MKLN1: variants seen among roughly 807,000 people sequenced by gnomAD.
MKLN1 encodes the protein muskelin 1.
MKLN1 carries 18 observed loss-of-function variants against 99.0 expected under a neutral mutation model. The ratio of observed to expected loss-of-function variants is 0.18; its 90% CI spans 0.13 to 0.27. The LOEUF (loss-of-function observed/expected upper bound fraction) is 0.27, where lower values mean the gene tolerates loss of function less well. Ranked by LOEUF, MKLN1 falls within the 10% of genes least tolerant of loss-of-function variation. The probability of loss-of-function intolerance (pLI) is 1.00; values close to 1 mark genes in which losing one functional copy is unlikely to be tolerated. For synonymous variants in MKLN1, 288 were observed against 293.2 expected, an observed-to-expected ratio of 0.98 and a Z score of 0.18; for missense variants, 621 against 875.9, an observed-to-expected ratio of 0.71 and a Z score of 3.67.
chr7:131,275,553 ATATATATATATATATTTTTTTTTTTT>A lies in MKLN1; in HGVS notation c.-179+72581_-179+72606del, dbSNP rs1203427637. On this transcript the variant is annotated intron_variant, in intron 3 of 7. Coordinates refer to the MKLN1 transcript ENST00000416992. The stretch of plus-strand genomic sequence containing the variant: ...CCAGCTGATATATATATATATATAT[ATATATATATATATATTTTTTTTTTTT>A]TTTTTTTTTTTTTGGTACTTTTTTG... 1.7e-3 allele frequency among the ~76,000 whole-genome samples: 25 copies of A among 14,892 alleles called. 2 individuals are homozygous for A. Among genetic ancestry groups the A allele is most frequent in the African/African-American group, 6.1e-3 (21 of 3,434 alleles). The allele number at this position is 14,892 out of a possible 152,430, so 9.8% of individuals were successfully genotyped here.
At chr7:131,226,942 AG>A (rs1318390500) in intron 3 of MKLN1, among the ~76,000 whole-genome samples, 4 of 152,304 alleles carry the variant, frequency 2.6e-5, no homozygotes, top group East Asian at 3.9e-4. Flanking sequence ...GAATGGATTC[AG>A]CAATAATTTG....
intron 3 of MKLN1, among the ~76,000 whole-genome samples, chr7:131,271,611 C>T (rs968093158): frequency 5.8e-5 from 8 of 136,944 alleles, no homozygotes; most frequent in African/African-American, 1.6e-4. Flanking sequence ...AGTGAGACTC[C>T]GTCTCCTAAA....
intron 3 of MKLN1, among the ~76,000 whole-genome samples, chr7:131,240,051 C>A (rs142601601): frequency 3.9e-5 from 6 of 151,932 alleles, no homozygotes; most frequent in Non-Finnish European, 8.8e-5. Flanking sequence ...CATGATGGTG[C>A]GTGCTTTTAG....
At chr7:131,151,403 T>C (rs1393013366) in intron 2 of MKLN1, among the ~76,000 whole-genome samples, 1 of 152,234 alleles carries the variant, frequency 6.6e-6, no homozygotes, top group African/African-American at 2.4e-5. Flanking sequence ...ATCTGTTGTT[T>C]TTGTGTTATG....
intron 10 of MKLN1, among the ~76,000 whole-genome samples, chr7:131,438,291 T>G (rs537497137): frequency 2.8e-4 from 43 of 152,088 alleles, no homozygotes; most frequent in African/African-American, 9.4e-4. Context: ...ATAATACATA[T>G]GCATAAATCA....
At chr7:131,194,221 A>G (rs1195446610) in intron 2 of MKLN1, among the ~76,000 whole-genome samples, 1 of 152,054 alleles carries the variant, frequency 6.6e-6, no homozygotes, top group African/African-American at 2.4e-5. Flanking sequence ...CACCACTTGC[A>G]TCTAGTTCCA....
chr7:131,208,088 T>C (rs1796846456), intron 3 of MKLN1, among the ~76,000 whole-genome samples: 1 of 152,148 alleles, frequency 6.6e-6, no homozygotes, highest in Non-Finnish European at 1.5e-5. Flanking sequence ...TACCATATTA[T>C]TGGGCAAAGA....
chr7:131,165,969 G>C (rs1796117218), intron 2 of MKLN1, among the ~76,000 whole-genome samples: 1 of 152,146 alleles, frequency 6.6e-6, no homozygotes, highest in South Asian at 2.1e-4. Context: ...ACAAATGTTA[G>C]CTGAGAGTGG....
chr7:131,411,905 T>TAAA (rs1563335038), intron 7 of MKLN1, among the ~76,000 whole-genome samples: 2 of 19,098 alleles, frequency 1.0e-4, no homozygotes, highest in African/African-American at 4.3e-4. Flanking sequence ...AGATTCCATC[T>TAAA]CAAAAAAAAA....
chr7:131,230,023 T>A (rs781017959), intron 3 of MKLN1, among the ~76,000 whole-genome samples: 1 of 152,210 alleles, frequency 6.6e-6, no homozygotes, highest in Non-Finnish European at 1.5e-5. Flanking sequence ...TGTCCTGTGA[T>A]GCTATATTAG....
chr7:131,477,846 G>A (rs1007587807), intron 16 of MKLN1, among the ~76,000 whole-genome samples: 4 of 152,212 alleles, frequency 2.6e-5, no homozygotes, highest in African/African-American at 9.7e-5. Flanking sequence ...TGAGGAGTTT[G>A]TCTGCTCTAA....
chr7:131,260,142 C>T (rs181806672), intron 3 of MKLN1, among the ~76,000 whole-genome samples: 50 of 152,030 alleles, frequency 3.3e-4, no homozygotes, highest in Non-Finnish European at 2.6e-4. Context: ...GCCTCCCGAG[C>T]TCAAGCAATT....
rs865797905 is a variant in MKLN1 at position 131,370,907 on chromosome 7, T to C, written c.99-4517T>C. On this transcript the variant is annotated intron_variant, in intron 1 of 17. Coordinates refer to ENST00000352689, the MANE Select transcript of MKLN1 (RefSeq NM_013255.5). ...AACCTGGTGGGCTCAGGAGAGTTAC[T>C]TAGTTGGCTTAGTGCTGGGACTGGA... 5.3e-5 allele frequency among the ~76,000 whole-genome samples: 8 copies of C among 152,278 alleles called. No homozygotes were observed. In the South Asian group the frequency reaches 1.7e-3, roughly 32 times the overall value.
intron 3 of MKLN1, among the ~76,000 whole-genome samples, chr7:131,309,252 A>G (rs1490576092): frequency 6.6e-6 from 1 of 152,198 alleles, no homozygotes; most frequent in Non-Finnish European, 1.5e-5. Flanking sequence ...CTTGTCTTCT[A>G]TTTTATCTTA....
intron 10 of MKLN1, 122 bp from the exon 11 acceptor site, chr7:131,443,359 G>A (rs1795897324): frequency 1.5e-6 from 1 of 664,318 alleles, no homozygotes; most frequent in Non-Finnish European, 2.7e-6. Flanking sequence ...GTGGTATTTA[G>A]TGTCATTAGG....
chr7:131,325,082 A>G (rs2116671816), upstream of MKLN1, among the ~76,000 whole-genome samples: 1 of 152,174 alleles, frequency 6.6e-6, no homozygotes, highest in South Asian at 2.1e-4. Context: ...CTCTAATTAA[A>G]GTTCTCTTTT....
chr7:131,363,208 T>A (rs1169455667), intron 1 of MKLN1, among the ~76,000 whole-genome samples: 2 of 149,438 alleles, frequency 1.3e-5, no homozygotes, highest in African/African-American at 5.0e-5. Flanking sequence ...CATTTGTGAA[T>A]TTTTTTTTTA....
intron 6 of MKLN1, among the ~76,000 whole-genome samples, chr7:131,400,088 A>G (rs1794489147): frequency 6.6e-6 from 1 of 151,966 alleles, no homozygotes; most frequent in Non-Finnish European, 1.5e-5. Context: ...AGTAACTTTC[A>G]TAGTGACAAA....
chr7:131,270,176 C>T (rs1797864332), intron 3 of MKLN1, among the ~76,000 whole-genome samples: 1 of 151,934 alleles, frequency 6.6e-6, no homozygotes, highest in African/African-American at 2.4e-5. Context: ...CCCGCCTCGG[C>T]CTCTCAAAGT....
Sources: allele counts gnomAD v4.1 joint callset (sites outside exome capture counted in the v4.1 genomes callset), GRCh38; gene constraint gnomAD v4.1.1; transcripts MANE v1.5; gene names NCBI Gene and HGNC (gene_info 2026-07-23, HGNC 2026-07-21).